Variants in TASOR2 observed in about 807,000 individuals in gnomAD.
TASOR2 encodes transcription activation suppressor family member 2.
Under a neutral mutation model 199.5 loss-of-function variants are expected in TASOR2, and 84 were observed. The observed-to-expected ratio is 0.42, with a 90% CI of 0.35 to 0.50. The LOEUF (loss-of-function observed/expected upper bound fraction) is 0.50. Ranked by LOEUF, TASOR2 falls within the 20% of genes least tolerant of loss-of-function variation. The pLI is 0.02. For missense variants in TASOR2, 2,796 were observed against 2,835.9 expected, an observed-to-expected ratio of 0.99 and a Z score of 0.32; for synonymous variants, 1,103 against 1,046.6, an observed-to-expected ratio of 1.05 and a Z score of -1.04.
chr10:5,692,430 A>G (rs1456508756), intron 1 of TASOR2, among the ~76,000 whole-genome samples: 2 of 152,154 alleles, frequency 1.3e-5, no homozygotes, highest in Non-Finnish European at 2.9e-5. Context: ...TTGTAAAATA[A>G]TACTAAAACC....
At chr10:5,709,045 A>C (rs1831581585) in intron 1 of TASOR2, among the ~76,000 whole-genome samples, 1 of 152,160 alleles carries the variant, frequency 6.6e-6, no homozygotes, top group African/African-American at 2.4e-5. Context: ...CCTGTAATAG[A>C]GACTGTTTGC....
In TASOR2 at chr10:5,740,759, C is replaced by A. The variant is rs192091898; in HGVS notation, c.2327+262C>A. Among the ~76,000 whole-genome samples, 11 of 152,196 alleles carry A rather than the reference C, an allele frequency of 7.2e-5. No individual in the cohort carries two copies. Among genetic ancestry groups the A allele is most frequent in the Admixed American group, 3.9e-4 (6 of 15,286 alleles). On this transcript the variant is annotated intron_variant, in intron 13 of 20. Coordinates refer to ENST00000328090, the Ensembl canonical transcript of TASOR2. The surrounding 1 kb of genome is among the most constrained non-coding windows in gnomAD (Gnocchi z 5.3). ...AGCTTTCCATTTTGCAATGCTCCCT[C>A]GTAAGCCCTTGTGGCTTTTGAATTT...
At position 5,719,027 on chromosome 10, in the gene TASOR2, T is replaced by C. The variant is rs1266256985; in HGVS notation, c.-100+1277T>C. ...TCGAGCCGCACCCAGAACCATAAAA[T>C]GTTTGATGAGGAGATGGTAGAGATG... On this transcript the variant is annotated intron_variant, in intron 3 of 20. Transcript: ENST00000328090. The surrounding 1 kb of genome is among the most constrained non-coding windows in gnomAD (Gnocchi z 4.1). 6.6e-6 allele frequency among the ~76,000 whole-genome samples: 1 copy of C among 152,160 alleles called. No homozygotes were observed. Among genetic ancestry groups the C allele is most frequent in the Non-Finnish European group, 1.5e-5 (1 of 68,032 alleles).
chr10:5,763,074 A>C, exon 21 of TASOR2: 1 of 1,604,646 alleles, frequency 6.2e-7, no homozygotes, highest in Admixed American at 1.7e-5. Context: ...GCCAATAAAA[A>C]ATTAGTATTT....
Position 5,761,714 on chromosome 10 carries a change from A to T in TASOR2, c.7174+243A>T, listed in dbSNP as rs536162005. On this transcript the variant is annotated intron_variant, in intron 19 of 20. Coordinates refer to ENST00000328090, the Ensembl canonical transcript of TASOR2. ...TTACTTATAATACTCAATACAGTAT[A>T]AGTAGTTATACCGTATTATTTTTTA... 1.1e-4 allele frequency: 50 copies of T among 449,584 alleles called. No individual in the cohort carries two copies. The South Asian group carries it at 1.8e-3, about 16-fold the overall frequency. The allele number at this position is 449,584 out of a possible 1,614,324, so 27.8% of individuals were successfully genotyped here. A position where few individuals can be genotyped will look rare whatever the true frequency, so the allele number is the denominator to read the frequency against.
intron 15 of TASOR2, among the ~76,000 whole-genome samples, chr10:5,755,864 C>T (rs976901134): frequency 3.9e-5 from 6 of 151,974 alleles, no homozygotes; most frequent in African/African-American, 1.5e-4. Context: ...CAGTGATGTG[C>T]ACCTGTAGCC....
At chr10:5,753,889 A>G (rs1167239396) in intron 15 of TASOR2, among the ~76,000 whole-genome samples, 1 of 152,190 alleles carries the variant, frequency 6.6e-6, no homozygotes, top group Non-Finnish European at 1.5e-5. Context: ...TATTTGATTA[A>G]TTATACATCC....
At position 5,748,623 on chromosome 10, in the gene TASOR2, A is replaced by G. The variant is rs750096444; in HGVS notation, c.5202A>G (p.Gln1734=). 6 of 1,614,192 alleles carry G rather than the reference A, an allele frequency of 3.7e-6. No homozygotes were observed. The highest frequency in any genetic ancestry group is 5.1e-6 in the Non-Finnish European group (6 of 1,180,038). Residue 1734 remains glutamine, a synonymous_variant, in exon 15 of 21, where the codon CAA becomes CAG. Transcript: ENST00000328090. This position sits in a 1 kb window ranked among gnomAD's most constrained non-coding sequence, Gnocchi z 5.1. ...AACGCAAAGCCATCCACACGCTGCA[A>G]GATGTGTCAACATGTGAAACAAAGG... is the stretch of plus-strand genomic sequence containing the variant.
intron 6 of TASOR2, among the ~76,000 whole-genome samples, chr10:5,723,300 C>A (rs1250902222): frequency 2.0e-4 from 30 of 151,954 alleles, no homozygotes; most frequent in Admixed American, 2.0e-3. Context: ...TCTGATCCAC[C>A]CGCCTCAGCC....
At chr10:5,692,686 C>T (rs1479996663) in intron 1 of TASOR2, 1 of 152,200 alleles carries the variant, frequency 6.6e-6, no homozygotes, top group East Asian at 1.9e-4. Context: ...GGGATCCCCT[C>T]GTTCTGTGGG....
chr10:5,763,188 C>T, exon 21 of TASOR2: 4 of 671,436 alleles, frequency 6.0e-6, no homozygotes, highest in Non-Finnish European at 7.3e-6. Context: ...TTATATTTTG[C>T]TGAAATATGT....
intron 8 of TASOR2, among the ~76,000 whole-genome samples, chr10:5,726,025 A>C (rs186994166): frequency 6.6e-6 from 1 of 152,314 alleles, no homozygotes; most frequent in Admixed American, 6.5e-5. Flanking sequence ...ATATTGATTT[A>C]TATTTGTAGC....
At chr10:5,744,871 C>T (rs1488305049) in intron 14 of TASOR2, among the ~76,000 whole-genome samples, 5 of 152,136 alleles carry the variant, frequency 3.3e-5, no homozygotes, top group African/African-American at 9.7e-5. Flanking sequence ...TATAGTGATC[C>T]GCCCACCACA....
rs1461409165 is a variant in TASOR2, at chr10:5,719,931, A to T, written c.-99-613A>T. Among the ~76,000 whole-genome samples the T allele has an allele frequency of 3.3e-5, 5 of 152,198 alleles. No homozygotes were observed. Among genetic ancestry groups the T allele is most frequent in the Non-Finnish European group, 5.9e-5 (4 of 68,032 alleles). ...CCATTCAGTGACCGTAACATAAAAG[A>T]TGGTGGGCTATAGTTTTTCTTTTAA... On this transcript the variant is annotated intron_variant, in intron 3 of 20. Coordinates refer to ENST00000328090, the Ensembl canonical transcript of TASOR2. This position sits in a 1 kb window ranked among gnomAD's most constrained non-coding sequence, Gnocchi z 4.1.
chr10:5,709,773 A>C (rs1309593750), intron 1 of TASOR2: 1 of 988,000 alleles, frequency 1.0e-6, no homozygotes, highest in Non-Finnish European at 1.3e-6. Context: ...ACTTTAAAAA[A>C]TTATGATTTC....
At chr10:5,707,726 T>TCTCA (rs1210876073) in intron 1 of TASOR2, among the ~76,000 whole-genome samples, 14 of 129,112 alleles carry the variant, frequency 1.1e-4, no homozygotes, top group African/African-American at 3.8e-4. Context: ...TCACTCATTT[T>TCTCA]CACACACACA....
intron 6 of TASOR2, 91 bp downstream of exon 7, chr10:5,721,061 G>A (rs760497528): frequency 7.6e-6 from 7 of 921,624 alleles, no homozygotes; most frequent in African/African-American, 1.7e-5. Flanking sequence ...TGGCATTGGT[G>A]TAAAATACAG....
In TASOR2 at chr10:5,706,434, A is replaced by G. The variant is rs1237692865; in HGVS notation, c.-287-6389A>G. On this transcript the variant is annotated intron_variant, in intron 1 of 20. Transcript: ENST00000328090. The surrounding 1 kb of genome is among the most constrained non-coding windows in gnomAD (Gnocchi z 4.8). ...CCCCAGCAAAGTTAGAAAGCCAGGC[A>G]GTAATATCAGAGGGCACAAGCCCAG... Among the ~76,000 whole-genome samples, 2 of 152,192 alleles carry G rather than the reference A, an allele frequency of 1.3e-5. No homozygotes were observed. The highest frequency in any genetic ancestry group is 1.9e-4 in the East Asian group (1 of 5,202).
chr10:5,723,346 G>C (rs769453881), intron 6 of TASOR2, among the ~76,000 whole-genome samples: 1 of 152,042 alleles, frequency 6.6e-6, no homozygotes. Context: ...GTGAGCCACC[G>C]TGCCTGGCAA....
Sources: allele counts gnomAD v4.1 joint callset (sites outside exome capture counted in the v4.1 genomes callset), GRCh38; gene constraint gnomAD v4.1.1; non-coding constraint Gnocchi (gnomAD v3.1); transcripts MANE v1.5; gene names NCBI Gene and HGNC (gene_info 2026-07-23, HGNC 2026-07-21).